The following TCF3 variants were observed in gnomAD, a reference collection of about 807,000 sequenced individuals.
TCF3 encodes transcription factor 3.
TCF3 carries 54 observed loss-of-function variants against 72.3 expected under a neutral mutation model. The ratio of observed to expected loss-of-function variants is 0.75; its 90% CI spans 0.60 to 0.94. TCF3 has a LOEUF of 0.94. TCF3 is among the 40% of genes least tolerant of loss of function. The probability of loss-of-function intolerance (pLI) is 0.00; values close to 1 mark genes in which losing one functional copy is unlikely to be tolerated. For missense variants in TCF3, 1,078 were observed against 934.4 expected (o/e 1.15, Z -2.00); for synonymous variants, 525 against 412.6 (o/e 1.27, Z -3.30).
chr19:1,641,811 T>C (rs1234434948), intron 3 of TCF3, among the ~76,000 whole-genome samples: 1 of 152,124 alleles, frequency 6.6e-6, no homozygotes, highest in African/African-American at 2.4e-5. Flanking sequence ...CAGGCTGGTC[T>C]TGAACTCCTG....
At chr19:1,638,950 G>C (rs770282866) in intron 3 of TCF3, among the ~76,000 whole-genome samples, 141 of 152,210 alleles carry the variant, frequency 9.3e-4, no homozygotes, top group Non-Finnish European at 1.7e-3. Context: ...TTTGAAACAA[G>C]CGACTCAGGA....
At chr19:1,633,580 A>C (rs773070683) in intron 3 of TCF3, among the ~76,000 whole-genome samples, 10 of 152,192 alleles carry the variant, frequency 6.6e-5, no homozygotes, top group South Asian at 2.1e-4. Context: ...TTGCTGTCTG[A>C]TTTGCATAAT....
rs1313565273 is a variant in TCF3, at chr19:1,610,371, C to T, written c.*1336G>A. ...GCATTGGGGGAGGCTGGCCAGGCCC[C>T]TGGCATCCTGTCTACGTCACGATGG... On this transcript the variant is annotated 3_prime_UTR_variant, in exon 19 of 19. Transcript: ENST00000262965. 1 of 230,880 alleles carries T rather than the reference C, an allele frequency of 4.3e-6. No individual in the cohort carries two copies. Among genetic ancestry groups the T allele is most frequent in the Non-Finnish European group, 8.6e-6 (1 of 116,674 alleles). 14.3% of individuals were successfully genotyped at this position (230,880 alleles called of 1,614,324 possible).
chr19:1,616,113 A>AT (rs930373160), intron 16 of TCF3, among the ~76,000 whole-genome samples: 3 of 152,340 alleles, frequency 2.0e-5, no homozygotes, highest in Admixed American at 2.0e-4. Context: ...CTAAGATGCT[A>AT]AAAGAACACT....
At chr19:1,639,926 T>A (rs1196751840) in intron 3 of TCF3, among the ~76,000 whole-genome samples, 1 of 151,842 alleles carries the variant, frequency 6.6e-6, no homozygotes, top group Non-Finnish European at 1.5e-5. Context: ...CCAAAAACTT[T>A]AGAAAGAGAA....
chr19:1,626,782 GCTA>G (rs2062936071), intron 6 of TCF3, among the ~76,000 whole-genome samples: 1 of 152,214 alleles, frequency 6.6e-6, no homozygotes, highest in African/African-American at 2.4e-5. Context: ...CATCACTATG[GCTA>G]CTGTTGCTCT....
chr19:1,612,858 C>T (rs1378924293), intron 18 of TCF3, among the ~76,000 whole-genome samples: 2 of 142,996 alleles, frequency 1.4e-5, no homozygotes, highest in South Asian at 2.2e-4. Flanking sequence ...CGGCTGGTGT[C>T]GGGCACAGCA....
chr19:1,639,869 C>G (rs1055277822), intron 3 of TCF3, among the ~76,000 whole-genome samples: 1 of 150,484 alleles, frequency 6.6e-6, no homozygotes, highest in African/African-American at 2.5e-5. Context: ...ACTGATGGAA[C>G]AGAAGAGGGC....
Position 1,632,161 on chromosome 19 carries a change from GC to G in TCF3, c.220-46del, listed in dbSNP as rs747446303. The G allele has an allele frequency of 6.3e-6, 10 of 1,595,054 alleles. No individual in the cohort carries two copies. In the East Asian group the frequency reaches 9.1e-5, roughly 15 times the overall value. On this transcript the variant is annotated intron_variant, in intron 4 of 18. Transcript: ENST00000262965. ...GATGAGAGGTGCTGGGGCTTCACAG[GC>G]CCCCCCTCCACCCCGCATTACAGCT... is the stretch of plus-strand genomic sequence containing the variant.
intron 3 of TCF3, among the ~76,000 whole-genome samples, chr19:1,639,649 G>A (rs1012508690): frequency 2.7e-5 from 4 of 148,976 alleles, no homozygotes; most frequent in African/African-American, 7.4e-5. Flanking sequence ...TACCGTTTAA[G>A]CCAAAGCTGA....
intron 3 of TCF3, among the ~76,000 whole-genome samples, chr19:1,641,484 CCT>C (rs1395190335): frequency 1.3e-5 from 2 of 152,138 alleles, no homozygotes; most frequent in East Asian, 3.9e-4. Context: ...ACACGGTCTC[CCT>C]CTGTCCCCGA....
intron 3 of TCF3, among the ~76,000 whole-genome samples, chr19:1,633,859 AG>A (rs1021649102): frequency 6.6e-6 from 1 of 152,144 alleles, no homozygotes; most frequent in African/African-American, 2.4e-5. Context: ...CTGGCTGTGT[AG>A]GGGTGGGCAC....
chr19:1,616,937 G>A (rs906100614), intron 16 of TCF3, among the ~76,000 whole-genome samples: 1 of 152,094 alleles, frequency 6.6e-6, no homozygotes, highest in Non-Finnish European at 1.5e-5. Context: ...CAATCAATGG[G>A]AAAGGACAAA....
At position 1,619,878 on chromosome 19, in the gene TCF3, G is replaced by A. The variant is rs2061978372; in HGVS notation, c.1094-25C>T. On this transcript the variant is annotated intron_variant, in intron 13 of 18. Coordinates refer to ENST00000262965, the MANE Select transcript of TCF3 (RefSeq NM_003200.5). ...CCTGGAAGGGAGTGGGGACGTGAATGGGGTGCGAGGGGCGGGGTGTGAGCA... is the reference window on the plus strand; with the variant it reads ...CCTGGAAGGGAGTGGGGACGTGAATAGGGTGCGAGGGGCGGGGTGTGAGCA... 1.9e-6 allele frequency: 3 copies of A among 1,549,174 alleles called. No individual in the cohort carries two copies. In the East Asian group the frequency reaches 7.3e-5, roughly 37 times the overall value.
At chr19:1,621,314 G>A in intron 11 of TCF3, 123 bp from the exon 12 acceptor site, 3 of 1,237,104 alleles carry the variant, frequency 2.4e-6, no homozygotes, top group East Asian at 2.7e-5. Flanking sequence ...GCCTGACTCG[G>A]GTCCGGTTTC....
intron 16 of TCF3, among the ~76,000 whole-genome samples, chr19:1,616,265 G>C (rs2145883207): frequency 6.6e-6 from 1 of 152,104 alleles, no homozygotes; most frequent in African/African-American, 2.4e-5. Flanking sequence ...ACGAGGTCAG[G>C]AGATCAAGAC....
intron 11 of TCF3, 84 bp from the exon 12 acceptor site, chr19:1,621,275 GCA>G (rs1425208642): frequency 4.2e-6 from 6 of 1,439,588 alleles, no homozygotes; most frequent in Non-Finnish European, 5.6e-6. Context: ...CTGCCGTCCT[GCA>G]CAGACACTGC....
At chr19:1,645,934 C>G (rs2066020655) in intron 3 of TCF3, among the ~76,000 whole-genome samples, 1 of 152,162 alleles carries the variant, frequency 6.6e-6, no homozygotes, top group Non-Finnish European at 1.5e-5. Flanking sequence ...GTCGTCGAGG[C>G]TCACAAGGTG....
chr19:1,645,134 C>A (rs1349584668), intron 3 of TCF3, among the ~76,000 whole-genome samples: 1 of 152,072 alleles, frequency 6.6e-6, no homozygotes, highest in Non-Finnish European at 1.5e-5. Context: ...AGTACAGAAC[C>A]CCCTTTGCCC....
Sources: allele counts gnomAD v4.1 joint callset (sites outside exome capture counted in the v4.1 genomes callset), GRCh38; gene constraint gnomAD v4.1.1; transcripts MANE v1.5; gene names NCBI Gene and HGNC (gene_info 2026-07-23, HGNC 2026-07-21).